B3GAT2: variants seen among roughly 807,000 people sequenced by gnomAD.
B3GAT2 encodes the protein beta-1,3-glucuronyltransferase 2, also known as galactosylgalactosylxylosylprotein 3-beta-glucuronosyltransferase 2.
B3GAT2 carries 26 observed loss-of-function variants against 27.8 expected under a neutral mutation model. The observed-to-expected ratio is 0.93, with a 90% CI of 0.68 to 1.30. The LOEUF is 1.30. B3GAT2 is among the 50% of genes most tolerant of loss of function. The pLI is 0.00. For missense variants in B3GAT2, 458 were observed against 459.0 expected (o/e 1.00, Z 0.02); for synonymous variants, 218 against 195.1 (o/e 1.12, Z -0.98).
In B3GAT2 at chr6:70,857,860, T is replaced by G. The variant is rs370022108; in HGVS notation, c.*3803A>C. 7 of 1,557,118 alleles carry G rather than the reference T, an allele frequency of 4.5e-6. No individual in the cohort carries two copies. Among genetic ancestry groups the G allele is most frequent in the Non-Finnish European group, 6.1e-6 (7 of 1,147,058 alleles). On this transcript the variant is annotated 3_prime_UTR_variant, in exon 4 of 4. Coordinates refer to ENST00000230053, the MANE Select transcript of B3GAT2 (RefSeq NM_080742.3). ...CAGAAAGGCAATTTTTCTGTGATTATAGAGATGAGTGCAACTACACGTGAT... is the reference window on the plus strand; with the variant it reads ...CAGAAAGGCAATTTTTCTGTGATTAGAGAGATGAGTGCAACTACACGTGAT...
intron 1 of B3GAT2, among the ~76,000 whole-genome samples, chr6:70,928,434 C>A (rs1053001775): frequency 6.6e-6 from 1 of 150,818 alleles, no homozygotes; most frequent in Non-Finnish European, 1.5e-5. Context: ...AATTGATAGA[C>A]CACTAGCAGA....
chr6:70,911,696 T>C (rs1444753217), intron 1 of B3GAT2, among the ~76,000 whole-genome samples: 1 of 152,214 alleles, frequency 6.6e-6, no homozygotes, highest in Non-Finnish European at 1.5e-5. Flanking sequence ...TCACTGGTAG[T>C]TTGAAAGGAA....
chr6:70,881,711 T>C (rs1234956003), intron 2 of B3GAT2, among the ~76,000 whole-genome samples: 2 of 152,174 alleles, frequency 1.3e-5, no homozygotes, highest in Admixed American at 6.5e-5. Context: ...GCGAGGAAGC[T>C]GTGTAGGGGC....
rs749590540 is a variant in B3GAT2 at position 70,956,070 on chromosome 6, C to T, written c.360G>A (p.Ala120=). The T allele has an allele frequency of 6.3e-7, 1 of 1,590,804 alleles. No individual in the cohort carries two copies. Among genetic ancestry groups the T allele is most frequent in the Admixed American group, 1.7e-5 (1 of 58,152 alleles). The part of the protein sequence containing the change: ...QLHWILVEDA[A]ARSELVSRFL... Reference sequence around the variant, plus strand: ...AGCGGCTCACCAGCTCGCTGCGCGCCGCCGCGTCCTCCACCAGGATCCAGT... The same window carrying T: ...AGCGGCTCACCAGCTCGCTGCGCGCTGCCGCGTCCTCCACCAGGATCCAGT... The change falls in exon 1 of 4, where the codon GCG becomes GCA. Residue 120 remains alanine, a synonymous_variant. Coordinates refer to ENST00000230053, the MANE Select transcript of B3GAT2 (RefSeq NM_080742.3).
intron 1 of B3GAT2, among the ~76,000 whole-genome samples, chr6:70,945,220 A>G (rs7760484): frequency 0.67 from 102,229 of 152,120 alleles, 34,765 homozygotes; most frequent in African/African-American, 0.74. Context: ...AAAGCTGGAC[A>G]GAGAATGACT....
At chr6:70,889,526 G>A (rs1271115659) in intron 2 of B3GAT2, among the ~76,000 whole-genome samples, 1 of 152,148 alleles carries the variant, frequency 6.6e-6, no homozygotes, top group African/African-American at 2.4e-5. Context: ...GCGAGGAGGA[G>A]TTGGCTGCCG....
chr6:70,943,553 C>G (rs1051288865), intron 1 of B3GAT2, among the ~76,000 whole-genome samples: 1 of 152,148 alleles, frequency 6.6e-6, no homozygotes, highest in Non-Finnish European at 1.5e-5. Flanking sequence ...ACATGATACA[C>G]GCCTAGGAGA....
At position 70,937,420 on chromosome 6, in the gene B3GAT2, G is replaced by C. The variant is rs1349678266; in HGVS notation, c.591+18419C>G. Among the ~76,000 whole-genome samples, 845 of 152,040 alleles carry C rather than the reference G, an allele frequency of 5.6e-3. 2 individuals are homozygous for C. The highest frequency in any genetic ancestry group is 8.1e-3 in the Non-Finnish European group (549 of 67,986). On this transcript the variant is annotated intron_variant, in intron 1 of 3. Coordinates refer to ENST00000230053, the MANE Select transcript of B3GAT2 (RefSeq NM_080742.3). Reference sequence around the variant, plus strand: ...CATTTTATGAGGCCAGCATCATCCTGATACCAAAGCCGGGCAGAGACACAG... The same window carrying C: ...CATTTTATGAGGCCAGCATCATCCTCATACCAAAGCCGGGCAGAGACACAG...
intron 1 of B3GAT2, among the ~76,000 whole-genome samples, chr6:70,914,365 G>A (rs1312540670): frequency 2.7e-4 from 41 of 152,144 alleles, no homozygotes; most frequent in Non-Finnish European, 2.9e-5. Flanking sequence ...TCCCACTTAT[G>A]AGTGAGAACA....
At chr6:70,921,876 ACTCATGGG>A (rs1381804828) in intron 1 of B3GAT2, among the ~76,000 whole-genome samples, 1 of 152,100 alleles carries the variant, frequency 6.6e-6, no homozygotes, top group Non-Finnish European at 1.5e-5. Flanking sequence ...TCAGCTCATC[ACTCATGGG>A]CTATGTGATG....
At chr6:70,939,413 C>T (rs1236416916) in intron 1 of B3GAT2, among the ~76,000 whole-genome samples, 5 of 150,522 alleles carry the variant, frequency 3.3e-5, no homozygotes, top group Non-Finnish European at 7.4e-5. Flanking sequence ...ACCCAAAGGA[C>T]TATAAATCAT....
intron 1 of B3GAT2, among the ~76,000 whole-genome samples, chr6:70,913,497 T>C (rs972109745): frequency 6.6e-6 from 1 of 152,242 alleles, no homozygotes; most frequent in Non-Finnish European, 1.5e-5. Flanking sequence ...TTGATTTGCA[T>C]GTAGCTGTAT....
intron 1 of B3GAT2, among the ~76,000 whole-genome samples, chr6:70,947,243 G>C (rs1349829698): frequency 4.6e-5 from 7 of 151,792 alleles, no homozygotes; most frequent in South Asian, 2.1e-4. Context: ...GAGCAGAACT[G>C]AAGGAAATAG....
intron 1 of B3GAT2, among the ~76,000 whole-genome samples, chr6:70,900,028 GGCAGC>G (rs1772470316): frequency 6.6e-6 from 1 of 152,118 alleles, no homozygotes; most frequent in African/African-American, 2.4e-5. Context: ...ATGATAAAGG[GGCAGC>G]AATTCATGTA....
rs1203123400 is a variant in B3GAT2 at position 70,937,049 on chromosome 6, C to CA, written c.591+18789dup. Among the ~76,000 whole-genome samples, 1,244 of 151,582 alleles carry CA rather than the reference C, an allele frequency of 8.2e-3. 7 individuals carry two copies. The highest frequency in any genetic ancestry group is 0.013 in the African/African-American group (540 of 41,338). ...AAAAGAGAGAAAAATCAAATAGACA[C>CA]AAAAAAATGATAAAGGGGATATCAC... is the stretch of plus-strand genomic sequence containing the variant. On this transcript the variant is annotated intron_variant, in intron 1 of 3. Transcript: ENST00000230053.
chr6:70,896,168 T>A (rs1279784763), intron 1 of B3GAT2, among the ~76,000 whole-genome samples: 2 of 152,078 alleles, frequency 1.3e-5, no homozygotes, highest in Non-Finnish European at 2.9e-5. Context: ...TTTTCACTAC[T>A]GGAGAGGTGG....
intron 2 of B3GAT2, among the ~76,000 whole-genome samples, chr6:70,893,180 T>A (rs1404057047): frequency 2.0e-5 from 3 of 152,026 alleles, no homozygotes; most frequent in Non-Finnish European, 4.4e-5. Flanking sequence ...TCCCTCAGAT[T>A]TATAGTATTG....
At chr6:70,894,862 A>G (rs1772352273) in intron 1 of B3GAT2, among the ~76,000 whole-genome samples, 1 of 152,206 alleles carries the variant, frequency 6.6e-6, no homozygotes, top group Non-Finnish European at 1.5e-5. Flanking sequence ...GCCAAACTAG[A>G]GACCGTTGGA....
intron 1 of B3GAT2, among the ~76,000 whole-genome samples, chr6:70,898,023 A>G (rs1228763937): frequency 6.6e-6 from 1 of 152,318 alleles, no homozygotes; most frequent in African/African-American, 2.4e-5. Context: ...TAGCTTTATA[A>G]TAAGTCTTAT....
Sources: gnomAD v4.1 joint callset for allele counts (sites outside exome capture counted in the v4.1 genomes callset) on GRCh38, gnomAD v4.1.1 for gene constraint, MANE v1.5 for transcripts, NCBI Gene and HGNC (gene_info 2026-07-23, HGNC 2026-07-21) for gene names.